Variants in NRXN3 observed in about 807,000 individuals in gnomAD.
The protein encoded by NRXN3 is neurexin III.
Under a neutral mutation model 137.6 loss-of-function variants are expected in NRXN3, and 32 were observed. That is an observed-to-expected ratio of 0.23 (90% CI 0.18 to 0.31). NRXN3 has a LOEUF of 0.31. Ranked by LOEUF, NRXN3 falls within the 10% of genes least tolerant of loss-of-function variation. NRXN3 has a pLI of 1.00. For synonymous variants in NRXN3, 798 were observed against 784.5 expected, an observed-to-expected ratio of 1.02 and a Z score of -0.29; for missense variants, 1,574 against 2,062.5, an observed-to-expected ratio of 0.76 and a Z score of 4.59.
chr14:79,113,670 A>G (rs978252288), intron 15 of NRXN3, among the ~76,000 whole-genome samples: 2 of 152,190 alleles, frequency 1.3e-5, no homozygotes, highest in African/African-American at 4.8e-5. Context: ...GTCACTACTT[A>G]AAGTGGCTGC....
chr14:79,284,887 A>G (rs2081994198), intron 15 of NRXN3, among the ~76,000 whole-genome samples: 1 of 152,138 alleles, frequency 6.6e-6, no homozygotes, highest in Non-Finnish European at 1.5e-5. Flanking sequence ...TGAATAATTC[A>G]TAGTGTTGGT....
intron 19 of NRXN3, among the ~76,000 whole-genome samples, chr14:79,705,369 C>T (rs1447862176): frequency 2.6e-5 from 4 of 152,148 alleles, no homozygotes; most frequent in African/African-American, 4.8e-5. Context: ...TCCAATCACA[C>T]AGGTCTTCTT....
chr14:78,304,782 T>C (rs2077197887), intron 4 of NRXN3, among the ~76,000 whole-genome samples: 1 of 152,164 alleles, frequency 6.6e-6, no homozygotes, highest in Non-Finnish European at 1.5e-5. Context: ...GTGGGAATCA[T>C]GGCAAACTGG....
intron 16 of NRXN3, among the ~76,000 whole-genome samples, chr14:79,552,393 A>C (rs1222228714): frequency 6.6e-6 from 1 of 152,170 alleles, no homozygotes; most frequent in African/African-American, 2.4e-5. Context: ...TAGTTACTTA[A>C]ACCCTCTGAG....
intron 4 of NRXN3, among the ~76,000 whole-genome samples, chr14:78,604,084 G>A (rs954979876): frequency 6.6e-6 from 1 of 152,166 alleles, no homozygotes; most frequent in Non-Finnish European, 1.5e-5. Flanking sequence ...AGGCTAGAGA[G>A]AATTAGAGCC....
chr14:78,836,950 A>G (rs2098998842), intron 10 of NRXN3, among the ~76,000 whole-genome samples: 1 of 152,142 alleles, frequency 6.6e-6, no homozygotes, highest in Admixed American at 6.5e-5. Context: ...GAGTGGCCAC[A>G]AGGAGTATCA....
chr14:78,883,954 A>G (rs1235865751), intron 10 of NRXN3, among the ~76,000 whole-genome samples: 1 of 152,182 alleles, frequency 6.6e-6, no homozygotes, highest in Non-Finnish European at 1.5e-5. Flanking sequence ...TGTAAAGAGG[A>G]TAGATTAGTA....
At chr14:79,008,475 C>G (rs142793907) in intron 15 of NRXN3, among the ~76,000 whole-genome samples, 1 of 152,088 alleles carries the variant, frequency 6.6e-6, no homozygotes, top group African/African-American at 2.4e-5. Flanking sequence ...ATGTCTACTA[C>G]CCAACTTAAG....
intron 4 of NRXN3, among the ~76,000 whole-genome samples, chr14:78,310,287 A>G (rs1334161598): frequency 2.1e-5 from 3 of 141,644 alleles, no homozygotes; most frequent in Non-Finnish European, 4.5e-5. Flanking sequence ...TTTTTTCCAG[A>G]CAGTGAACAT....
chr14:78,612,807 A>T (rs961274370), intron 4 of NRXN3, among the ~76,000 whole-genome samples: 9 of 152,200 alleles, frequency 5.9e-5, no homozygotes, highest in African/African-American at 2.2e-4. Context: ...AGCCATCCCC[A>T]GTTTTAGCTG....
chr14:78,277,424 T>C (rs891966256), intron 2 of NRXN3, among the ~76,000 whole-genome samples: 2 of 152,174 alleles, frequency 1.3e-5, no homozygotes, highest in Non-Finnish European at 2.9e-5. Context: ...TAGGCTTCAG[T>C]TGAATGAATG....
intron 10 of NRXN3, among the ~76,000 whole-genome samples, chr14:78,893,127 C>T (rs545368323): frequency 3.9e-5 from 6 of 151,968 alleles, no homozygotes; most frequent in Admixed American, 6.6e-5. Context: ...CATCCACTTG[C>T]GTCATCTTTC....
At chr14:79,490,480 G>T (rs1423363605) in intron 16 of NRXN3, among the ~76,000 whole-genome samples, 1 of 152,032 alleles carries the variant, frequency 6.6e-6, no homozygotes, top group Admixed American at 6.6e-5. Flanking sequence ...GTACTATTCA[G>T]TCATAAAAAA....
rs554125939 is a variant in NRXN3 at position 79,851,258 on chromosome 14, C to T, written c.4094-10084C>T. ...GATGTCATTTGATGCCTTTTGAGAC[C>T]GACCATATATGCATTTATACAATCT... On this transcript the variant is annotated intron_variant, in intron 20 of 20. Transcript: ENST00000335750. 1.6e-4 allele frequency among the ~76,000 whole-genome samples: 25 copies of T among 152,078 alleles called. 1 individual carries two copies. The East Asian group carries it at 4.5e-3, about 27-fold the overall frequency.
intron 15 of NRXN3, among the ~76,000 whole-genome samples, chr14:79,023,404 T>C (rs553453400): frequency 1.3e-5 from 2 of 152,032 alleles, no homozygotes; most frequent in African/African-American, 4.8e-5. Flanking sequence ...GAATAAAATA[T>C]TAGCACTTTC....
chr14:78,332,177 A>C (rs2080894677), intron 4 of NRXN3, among the ~76,000 whole-genome samples: 1 of 152,248 alleles, frequency 6.6e-6, no homozygotes, highest in Non-Finnish European at 1.5e-5. Context: ...TACATAAAGC[A>C]GATAGTGGAA....
chr14:78,749,621 TG>T (rs1387457054), intron 8 of NRXN3, among the ~76,000 whole-genome samples: 16 of 152,306 alleles, frequency 1.1e-4, no homozygotes, highest in African/African-American at 3.8e-4. Flanking sequence ...TTTATTTTAT[TG>T]TTTCATTTAT....
intron 15 of NRXN3, among the ~76,000 whole-genome samples, chr14:79,317,573 T>C (rs1361657836): frequency 6.6e-6 from 1 of 152,016 alleles, no homozygotes; most frequent in Non-Finnish European, 1.5e-5. Context: ...TACTGGGGGG[T>C]TAGGATTTCA....
chr14:79,425,752 A>G (rs188728022), intron 15 of NRXN3, among the ~76,000 whole-genome samples: 1 of 152,244 alleles, frequency 6.6e-6, no homozygotes, highest in East Asian at 1.9e-4. Context: ...CCAAGGTGCA[A>G]TCTGTTTTTC....
Sources: gnomAD v4.1 joint callset for allele counts (sites outside exome capture counted in the v4.1 genomes callset) on GRCh38, gnomAD v4.1.1 for gene constraint, MANE v1.5 for transcripts, NCBI Gene and HGNC (gene_info 2026-07-23, HGNC 2026-07-21) for gene names.